The following SMPD4 variants were observed in gnomAD, a reference collection of about 807,000 sequenced individuals.
The protein encoded by SMPD4 is neutral sphingomyelinase 3.
In SMPD4, 58 loss-of-function variants were observed where a neutral mutation model predicts 97.8. The observed-to-expected ratio is 0.59, with a 90% confidence interval of 0.48 to 0.74. SMPD4 has a LOEUF of 0.74. SMPD4 is among the 30% of genes least tolerant of loss of function. The pLI, the probability that SMPD4 is intolerant of heterozygous loss-of-function variation, is 0.00. For missense variants in SMPD4, 853 were observed against 1,080.5 expected, an observed-to-expected ratio of 0.79 and a Z score of 2.95; for synonymous variants, 388 against 450.0, an observed-to-expected ratio of 0.86 and a Z score of 1.74.
chr2:130,178,038 T>G (rs1689139355), intron 1 of SMPD4, among the ~76,000 whole-genome samples: 1 of 152,166 alleles, frequency 6.6e-6, no homozygotes, highest in Non-Finnish European at 1.5e-5. Flanking sequence ...AACAAAGACC[T>G]TAGTTCTACA....
chr2:130,168,035 C>T (rs1327151248), intron 8 of SMPD4, among the ~76,000 whole-genome samples: 3 of 152,136 alleles, frequency 2.0e-5, no homozygotes, highest in African/African-American at 7.2e-5. Context: ...AACCTATCTC[C>T]ACAAAAACAT....
At chr2:130,155,344 C>T (rs1686672718) in intron 14 of SMPD4, 85 bp from the exon 15 acceptor site, 1 of 1,544,340 alleles carries the variant, frequency 6.5e-7, no homozygotes, top group Non-Finnish European at 8.8e-7. Context: ...AATGCCCTTG[C>T]TCACCCTTGG....
In SMPD4 at chr2:130,156,237, T is replaced by C. The variant is rs62163153; in HGVS notation, c.1189-102A>G. ...GGCAGCTGGGTGGGACTGACTCTTC[T>C]CACTTCCTCCAGAGGGCGCAGGAGA... On this transcript the variant is annotated intron_variant, in intron 13 of 19. Coordinates refer to ENST00000680298, the MANE Select transcript of SMPD4 (RefSeq NM_017951.5). 583 of 1,006,436 alleles carry C rather than the reference T, an allele frequency of 5.8e-4. 1 individual carries two copies. The highest frequency in any genetic ancestry group is 8.6e-4 in the African/African-American group (54 of 62,698). The allele number at this position is 1,006,436 out of a possible 1,614,324, so 62.3% of individuals were successfully genotyped here. A position where few individuals can be genotyped will look rare whatever the true frequency, so the allele number is the denominator to read the frequency against.
At chr2:130,158,838 G>A (rs1204454942) in intron 11 of SMPD4, among the ~76,000 whole-genome samples, 1 of 152,108 alleles carries the variant, frequency 6.6e-6, no homozygotes, top group Non-Finnish European at 1.5e-5. Flanking sequence ...CTGGTGCAGG[G>A]CCCAGCCTCC....
chr2:130,177,026 G>A (rs78920529), intron 1 of SMPD4, among the ~76,000 whole-genome samples: 3,106 of 120,670 alleles, frequency 0.026, no homozygotes, highest in East Asian at 0.12. Context: ...ATGCCCAGGA[G>A]AATATCACAC....
intron 10 of SMPD4, among the ~76,000 whole-genome samples, chr2:130,162,326 C>T (rs1687509353): frequency 6.6e-6 from 1 of 152,230 alleles, no homozygotes; most frequent in South Asian, 2.1e-4. Flanking sequence ...CATCCTGCCC[C>T]GCCAGCAGCA....
rs115362171 is a variant in SMPD4 at position 130,160,587 on chromosome 2, G to A, written c.951+599C>T. Among the ~76,000 whole-genome samples the A allele has an allele frequency of 7.0e-3, 1,071 of 152,292 alleles. 14 individuals are homozygous for A. Among genetic ancestry groups the A allele is most frequent in the African/African-American group, 0.025 (1,034 of 41,564 alleles). ...TCTGCCTCTGGAGGTGTGTATGAGCGGCCAGGGCTCCCCAGGTGAAGGCCG... is the reference window on the plus strand; with the variant it reads ...TCTGCCTCTGGAGGTGTGTATGAGCAGCCAGGGCTCCCCAGGTGAAGGCCG... On this transcript the variant is annotated intron_variant, in intron 11 of 19. Transcript: ENST00000680298.
intron 8 of SMPD4, among the ~76,000 whole-genome samples, chr2:130,171,957 C>G (rs914017997): frequency 6.6e-6 from 1 of 152,230 alleles, no homozygotes; most frequent in African/African-American, 2.4e-5. Flanking sequence ...CTCTTTGGCC[C>G]AGGGCCTCCC....
In SMPD4 at chr2:130,164,382, G is replaced by A. The variant is rs760575086; in HGVS notation, c.856C>T (p.His286Tyr). ...AAAAACTGAAAACATACCTTGGCATGAGGGGACTGCATTTTTTGATACATC... is the reference window on the plus strand; with the variant it reads ...AAAAACTGAAAACATACCTTGGCATAAGGGGACTGCATTTTTTGATACATC... ...LEMYQKMQSP[H>Y]AKLEVLHYRL... Residue 286 changes from histidine to tyrosine, a missense_variant, in exon 10 of 20, where the codon CAT becomes TAT. Transcript: ENST00000680298. 2.5e-6 allele frequency: 4 copies of A among 1,613,882 alleles called. No homozygotes were observed. The highest frequency in any genetic ancestry group is 2.7e-5 in the African/African-American group (2 of 74,940).
At chr2:130,169,650 G>C (rs1688252590) in intron 8 of SMPD4, among the ~76,000 whole-genome samples, 1 of 151,874 alleles carries the variant, frequency 6.6e-6, no homozygotes, top group African/African-American at 2.4e-5. Flanking sequence ...ATTGCTCCTG[G>C]GCACAAGTGA....
chr2:130,174,779 G>A, intron 3 of SMPD4, 135 bp downstream of exon 3: 1 of 599,678 alleles, frequency 1.7e-6, no homozygotes, highest in East Asian at 2.6e-5. Context: ...TAAACATAAT[G>A]GTCATGGTAA....
In SMPD4 at chr2:130,152,895, G is replaced by A. The variant is rs1686369889; in HGVS notation, c.2155-11C>T. On this transcript the variant is annotated splice_polypyrimidine_tract_variant and intron_variant, in intron 19 of 19. Coordinates refer to ENST00000680298, the MANE Select transcript of SMPD4 (RefSeq NM_017951.5). ...CATCTGTCCTGCAAACTGAAGCACA[G>A]ACAGAGGCACGGGGATGTGGGGTGG... 6.4e-7 allele frequency: 1 copy of A among 1,574,608 alleles called. No individual in the cohort carries two copies. The highest frequency in any genetic ancestry group is 1.3e-5 in the African/African-American group (1 of 74,108).
chr2:130,162,007 C>T (rs939808543), intron 10 of SMPD4, among the ~76,000 whole-genome samples: 1 of 152,226 alleles, frequency 6.6e-6, no homozygotes, highest in African/African-American at 2.4e-5. Context: ...ACGAGGAGCA[C>T]AGGCTCAGGC....
At chr2:130,168,299 C>A (rs1226048240) in intron 8 of SMPD4, among the ~76,000 whole-genome samples, 1 of 152,098 alleles carries the variant, frequency 6.6e-6, no homozygotes, top group Non-Finnish European at 1.5e-5. Context: ...TGATGCCTCC[C>A]TGTAGTCCCA....
chr2:130,179,100 C>T (rs1234145316), intron 1 of SMPD4, among the ~76,000 whole-genome samples: 1 of 151,022 alleles, frequency 6.6e-6, no homozygotes, highest in African/African-American at 2.4e-5. Context: ...GCAATAGGAA[C>T]ATCTCCCAAG....
rs1686269721 is a variant in SMPD4 at position 130,151,733 on chromosome 2, A to T, written c.*822T>A. The T allele has an allele frequency of 6.7e-6, 1 of 149,484 alleles. No homozygotes were observed. Among genetic ancestry groups the T allele is most frequent in the South Asian group, 2.1e-4 (1 of 4,660 alleles). 9.3% of individuals were successfully genotyped at this position (149,484 alleles called of 1,614,324 possible). ...CTGAACGGTTGCCATGTCTTTGAGC[A>T]CTTGATGTTACTGAAGTGACAATGC... On this transcript the variant is annotated 3_prime_UTR_variant, in exon 20 of 20. Transcript: ENST00000680298.
chr2:130,154,367 A>G lies in SMPD4; in HGVS notation c.1569T>C (p.Asp523=). 1 of 1,611,940 alleles carries G rather than the reference A, an allele frequency of 6.2e-7. No individual in the cohort carries two copies. The highest frequency in any genetic ancestry group is 8.5e-7 in the Non-Finnish European group (1 of 1,179,310). The change falls in exon 16 of 20, where the codon GAT becomes GAC. Residue 523 remains aspartate, a synonymous_variant. Coordinates refer to ENST00000680298, the MANE Select transcript of SMPD4 (RefSeq NM_017951.5). ...FLSPWPPAVT[D]ASFKVKSHVY... is the part of the protein sequence containing the mutation. Reference sequence around the variant, plus strand: ...CGTGGCTCTTCACCTTGAAGGAGGCATCAGTGACCGCTGGTGGCCAGGGTG... The same window carrying G: ...CGTGGCTCTTCACCTTGAAGGAGGCGTCAGTGACCGCTGGTGGCCAGGGTG...
intron 8 of SMPD4, among the ~76,000 whole-genome samples, chr2:130,171,641 T>C (rs950433092): frequency 6.6e-6 from 1 of 152,208 alleles, no homozygotes; most frequent in Non-Finnish European, 1.5e-5. Context: ...CTGGGGAATC[T>C]GTCCACACGT....
intron 1 of SMPD4, among the ~76,000 whole-genome samples, chr2:130,179,364 G>A (rs1280185246): frequency 1.3e-5 from 2 of 152,020 alleles, no homozygotes; most frequent in South Asian, 4.2e-4. Flanking sequence ...CTCGTGATCC[G>A]CCTGCCTCGG....
Sources: allele counts gnomAD v4.1 joint callset (sites outside exome capture counted in the v4.1 genomes callset), GRCh38; gene constraint gnomAD v4.1.1; transcripts MANE v1.5; gene names NCBI Gene and HGNC (gene_info 2026-07-23, HGNC 2026-07-21).